The following MTTP variants were observed in gnomAD, a reference collection of about 807,000 sequenced individuals.
MTTP encodes microsomal triglyceride transfer protein large subunit.
Under a neutral mutation model 90.6 loss-of-function variants are expected in MTTP, and 49 were observed. The ratio of observed to expected loss-of-function variants is 0.54; its 90% CI spans 0.43 to 0.69. The LOEUF (loss-of-function observed/expected upper bound fraction) is 0.69, where lower values mean the gene tolerates loss of function less well. Ranked by LOEUF, MTTP falls within the 30% of genes least tolerant of loss-of-function variation. The pLI, the probability that MTTP is intolerant of heterozygous loss-of-function variation, is 0.00. For missense variants in MTTP, 945 were observed against 1,067.5 expected (o/e 0.89, Z 1.60); for synonymous variants, 347 against 384.2 (o/e 0.90, Z 1.13).
At chr4:99,583,572 C>A (rs767717539) in intron 3 of MTTP, 55 bp downstream of exon 3, 511 of 1,596,910 alleles carry the variant, frequency 3.2e-4, no homozygotes, top group Non-Finnish European at 4.3e-4. Context: ...TTTTTCTTCC[C>A]TTCAGTAGAT....
chr4:99,604,629 A>G (rs1032112982), intron 10 of MTTP, among the ~76,000 whole-genome samples: 2 of 152,126 alleles, frequency 1.3e-5, no homozygotes, highest in Non-Finnish European at 2.9e-5. Context: ...ACTTCTTATT[A>G]CTTGAGTGCC....
intron 11 of MTTP, among the ~76,000 whole-genome samples, chr4:99,607,747 C>T (rs1309986556): frequency 6.6e-5 from 10 of 152,142 alleles, no homozygotes; most frequent in Non-Finnish European, 1.5e-4. Context: ...TTCTTCGATG[C>T]TAATGTTTTG....
At chr4:99,573,322 C>T (rs2110206619), upstream of MTTP, among the ~76,000 whole-genome samples, 1 of 152,230 alleles carries the variant, frequency 6.6e-6, no homozygotes, top group South Asian at 2.1e-4. Flanking sequence ...CTGTAGAAAT[C>T]TATTCAAATG....
chr4:99,591,209 C>A, intron 4 of MTTP, 26 bp from the exon 5 acceptor site: 1 of 1,502,280 alleles, frequency 6.7e-7, no homozygotes. Context: ...GAATCCCAAG[C>A]ATTATGCCCT....
chr4:99,608,080 T>G (rs1578250827), intron 11 of MTTP, among the ~76,000 whole-genome samples: 1 of 152,304 alleles, frequency 6.6e-6, no homozygotes, highest in East Asian at 1.9e-4. Flanking sequence ...TCCTTAAAAT[T>G]CTATATTAGT....
At chr4:99,571,404 A>G (rs1259431087), upstream of MTTP, among the ~76,000 whole-genome samples, 1 of 151,936 alleles carries the variant, frequency 6.6e-6, no homozygotes, top group Admixed American at 6.6e-5. Flanking sequence ...GTAGTCTACT[A>G]AAAGAGTTTA....
intron 16 of MTTP, 91 bp from the exon 17 acceptor site, chr4:99,620,970 A>G (rs1444225995): frequency 2.8e-5 from 34 of 1,233,274 alleles, no homozygotes; most frequent in Non-Finnish European, 3.9e-5. Flanking sequence ...CACTGGCATC[A>G]TACGTTCAGA....
chr4:99,579,747 T>G (rs1725053408), intron 1 of MTTP, among the ~76,000 whole-genome samples: 1 of 152,048 alleles, frequency 6.6e-6, no homozygotes, highest in Non-Finnish European at 1.5e-5. Context: ...GGTAGAAACT[T>G]TGTCTGCTGG....
chr4:99,602,086 G>C (rs954295560), intron 10 of MTTP, among the ~76,000 whole-genome samples: 1 of 151,972 alleles, frequency 6.6e-6, no homozygotes, highest in African/African-American at 2.4e-5. Context: ...TAAATGGTGT[G>C]TATGATATAC....
intron 15 of MTTP, among the ~76,000 whole-genome samples, chr4:99,614,413 G>A (rs753680479): frequency 2.6e-5 from 4 of 152,108 alleles, no homozygotes; most frequent in African/African-American, 4.8e-5. Flanking sequence ...TCATTATTTG[G>A]GATTAAACAG....
chr4:99,567,593 G>A (rs1411653152), intron 1 of MTTP, among the ~76,000 whole-genome samples: 1 of 152,224 alleles, frequency 6.6e-6, no homozygotes, highest in Non-Finnish European at 1.5e-5. Flanking sequence ...GTCTGAAGCT[G>A]CTGGAGGGAT....
chr4:99,610,854 T>C (rs1000012827), intron 12 of MTTP, among the ~76,000 whole-genome samples: 2 of 152,314 alleles, frequency 1.3e-5, no homozygotes, highest in Non-Finnish European at 2.9e-5. Flanking sequence ...TCAAAGAATT[T>C]TGCCATGCCT....
intron 10 of MTTP, among the ~76,000 whole-genome samples, chr4:99,604,358 T>G (rs3828542): frequency 0.19 from 28,295 of 152,076 alleles, 3,095 homozygotes; most frequent in East Asian, 0.44. Context: ...ACATGTTTCT[T>G]TTTTATGTTT....
At chr4:99,620,009 A>C (rs971687683) in intron 16 of MTTP, among the ~76,000 whole-genome samples, 7 of 152,228 alleles carry the variant, frequency 4.6e-5, no homozygotes, top group African/African-American at 1.7e-4. Flanking sequence ...AAGAGAAATC[A>C]ACAACAGCAA....
At chr4:99,612,412 G>A (rs1369056310) in intron 14 of MTTP, among the ~76,000 whole-genome samples, 1 of 151,028 alleles carries the variant, frequency 6.6e-6, no homozygotes, top group African/African-American at 2.4e-5. Flanking sequence ...ACATGGAATG[G>A]GGTGAGTCAT....
rs80206801 is a variant in MTTP, at chr4:99,604,981, C to T, written c.1345-1767C>T. ...CACAAAGTTCTATGCTCAAAAGTTA[C>T]TTGGATTAATTCTTTTTCATTCTCT... On this transcript the variant is annotated intron_variant, in intron 10 of 17. Transcript: ENST00000265517. Among the ~76,000 whole-genome samples, 985 of 152,234 alleles carry T rather than the reference C, an allele frequency of 6.5e-3. 10 individuals carry two copies. The highest frequency in any genetic ancestry group is 0.022 in the African/African-American group (922 of 41,556).
chr4:99,613,844 T>C (rs1560625676), intron 15 of MTTP, among the ~76,000 whole-genome samples: 1 of 152,210 alleles, frequency 6.6e-6, no homozygotes, highest in Admixed American at 6.5e-5. Context: ...GGGATGGAGA[T>C]GGTCTGCCTA....
intron 1 of MTTP, chr4:99,564,262 G>A: frequency 6.5e-7 from 1 of 1,533,430 alleles, no homozygotes; most frequent in East Asian, 2.4e-5. Flanking sequence ...AAGGAATTAA[G>A]ATAGTCCCAC....
At chr4:99,615,902 A>G (rs1578255628) in intron 15 of MTTP, among the ~76,000 whole-genome samples, 1 of 152,344 alleles carries the variant, frequency 6.6e-6, no homozygotes, top group Middle Eastern at 3.4e-3. Context: ...TTAGCTACAA[A>G]GTTCTAATAA....
Sources: allele counts gnomAD v4.1 joint callset (sites outside exome capture counted in the v4.1 genomes callset), GRCh38; gene constraint gnomAD v4.1.1; transcripts MANE v1.5; gene names NCBI Gene and HGNC (gene_info 2026-07-23, HGNC 2026-07-21).